AP2S1: variants seen among roughly 807,000 people sequenced by gnomAD.
The protein encoded by AP2S1 is AP-2 complex subunit sigma.
Under a neutral mutation model 21.0 loss-of-function variants are expected in AP2S1, and 6 were observed. That is an observed-to-expected ratio of 0.29 (90% CI 0.16 to 0.56). The LOEUF (loss-of-function observed/expected upper bound fraction) is 0.56. Ranked by LOEUF, AP2S1 falls within the 20% of genes least tolerant of loss-of-function variation. The pLI is 0.92. For missense variants in AP2S1, 60 were observed against 186.2 expected, an observed-to-expected ratio of 0.32 and a Z score of 3.95; for synonymous variants, 63 against 74.6, an observed-to-expected ratio of 0.84 and a Z score of 0.80.
chr19:46,848,291 A>C (rs1213006703), intron 1 of AP2S1, among the ~76,000 whole-genome samples: 1 of 152,150 alleles, frequency 6.6e-6, no homozygotes, highest in Non-Finnish European at 1.5e-5. Context: ...GAGGCATGAG[A>C]ATCACTTGAA....
At chr19:46,844,554 T>C (rs1437409384) in intron 2 of AP2S1, among the ~76,000 whole-genome samples, 1 of 152,090 alleles carries the variant, frequency 6.6e-6, no homozygotes, top group African/African-American at 2.4e-5. Context: ...TCCCAGCACT[T>C]TGGGAGGCCG....
chr19:46,841,155 T>C (rs749077945), intron 2 of AP2S1, among the ~76,000 whole-genome samples: 2 of 151,888 alleles, frequency 1.3e-5, no homozygotes, highest in Non-Finnish European at 1.5e-5. Flanking sequence ...GGTTTTACCA[T>C]GTTGGCCAGG....
At chr19:46,848,371 C>T (rs764105187) in intron 1 of AP2S1, among the ~76,000 whole-genome samples, 3 of 152,038 alleles carry the variant, frequency 2.0e-5, no homozygotes, top group African/African-American at 4.8e-5. Flanking sequence ...CAGAGCGAGA[C>T]GCTGTCTCAA....
At chr19:46,845,100 G>GAA (rs35651566) in intron 2 of AP2S1, among the ~76,000 whole-genome samples, 1,690 of 93,792 alleles carry the variant, frequency 0.018, 57 homozygotes, top group African/African-American at 0.059. Flanking sequence ...CTCCATTTCA[G>GAA]AAAAAAAAAA....
chr19:46,842,268 G>T (rs554021289), intron 2 of AP2S1, among the ~76,000 whole-genome samples: 16 of 152,206 alleles, frequency 1.1e-4, no homozygotes, highest in Admixed American at 7.8e-4. Flanking sequence ...GTCCCCTCCA[G>T]GAAGCCCTCC....
At chr19:46,841,595 G>A (rs2055522120) in intron 2 of AP2S1, among the ~76,000 whole-genome samples, 1 of 152,200 alleles carries the variant, frequency 6.6e-6, no homozygotes, top group South Asian at 2.1e-4. Context: ...ACTGTCTGGG[G>A]ATGGGTCTGT....
At chr19:46,839,439 C>CCCCCCCCA (rs1568444262) in intron 3 of AP2S1, 26 bp downstream of exon 3, 2 of 1,569,710 alleles carry the variant, frequency 1.3e-6, no homozygotes, top group South Asian at 1.1e-5. Context: ...CCCGCCTCCC[C>CCCCCCCCA]ACCTTACATC....
At chr19:46,840,418 A>G (rs1356802980) in intron 2 of AP2S1, among the ~76,000 whole-genome samples, 1 of 150,374 alleles carries the variant, frequency 6.7e-6, no homozygotes, top group Non-Finnish European at 1.5e-5. Flanking sequence ...GGGCGAGAGG[A>G]TCACTTGAGC....
chr19:46,839,286 CAAAAAAAAAAAAAAAAAAAAAAAAAAA>C (rs771792607), intron 3 of AP2S1, among the ~76,000 whole-genome samples, 152 bp downstream of exon 3: 3 of 72,958 alleles, frequency 4.1e-5, no homozygotes, highest in African/African-American at 1.0e-4. Flanking sequence ...GACTCCGTCT[CAAAAAAAAAAAAAAAAAAAAAAAAAAA>C]AAAAGAAAAA....
At chr19:46,848,928 G>A (rs950832730) in intron 1 of AP2S1, among the ~76,000 whole-genome samples, 4 of 151,524 alleles carry the variant, frequency 2.6e-5, no homozygotes, top group Non-Finnish European at 4.4e-5. Context: ...GGTCAGGCTG[G>A]TCTCGAACTC....
rs1568443045 is a variant in AP2S1 at position 46,838,202 on chromosome 19, G to A, written c.*245C>T. ...ACCACAGGTTTATTGGGGACTCCAC[G>A]CACAGACGCTTATGGCATCACACGA... On this transcript the variant is annotated 3_prime_UTR_variant, in exon 5 of 5. Coordinates refer to ENST00000263270, the MANE Select transcript of AP2S1 (RefSeq NM_004069.6). The surrounding 1 kb of genome is among the most constrained non-coding windows in gnomAD (Gnocchi z 4.1). 1.8e-6 allele frequency: 1 copy of A among 551,270 alleles called. No homozygotes were observed. Among genetic ancestry groups the A allele is most frequent in the Non-Finnish European group, 3.3e-6 (1 of 305,072 alleles). 34.1% of individuals were successfully genotyped at this position (551,270 alleles called of 1,614,324 possible).
chr19:46,839,622 T>C (rs2122759528), intron 2 of AP2S1, 44 bp from the exon 3 acceptor site: 4 of 1,613,734 alleles, frequency 2.5e-6, no homozygotes, highest in Non-Finnish European at 3.4e-6. Flanking sequence ...TGCCAGGACC[T>C]AACGTGCCAG....
rs2055444228 is a variant in AP2S1 at position 46,838,192 on chromosome 19, GGGAC to G, written c.*251_*254del. 2 of 520,240 alleles carry G rather than the reference GGGAC, an allele frequency of 3.8e-6. No homozygotes were observed. Among genetic ancestry groups the G allele is most frequent in the African/African-American group, 3.8e-5 (2 of 52,198 alleles). 32.2% of individuals were successfully genotyped at this position (520,240 alleles called of 1,614,324 possible). A position where few individuals can be genotyped will look rare whatever the true frequency, so the allele number is the denominator to read the frequency against. On this transcript the variant is annotated 3_prime_UTR_variant, in exon 5 of 5. Transcript: ENST00000263270. This position sits in a 1 kb window ranked among gnomAD's most constrained non-coding sequence, Gnocchi z 4.1. ...GCCAGGCAGGACCACAGGTTTATTG[GGGAC>G]TCCACGCACAGACGCTTATGGCATC...
chr19:46,841,907 G>A (rs2055529041), intron 2 of AP2S1, among the ~76,000 whole-genome samples: 1 of 152,176 alleles, frequency 6.6e-6, no homozygotes, highest in South Asian at 2.1e-4. Context: ...GAGATTGGAC[G>A]ACGGCCAGGT....
intron 2 of AP2S1, 33 bp downstream of exon 2, chr19:46,845,960 A>G (rs2055623692): frequency 1.2e-6 from 2 of 1,612,752 alleles, no homozygotes; most frequent in Non-Finnish European, 1.7e-6. Context: ...ACGAGGAAGC[A>G]GCGGGGTGCA....
chr19:46,843,268 C>G (rs1277737092), intron 2 of AP2S1, among the ~76,000 whole-genome samples: 2 of 152,204 alleles, frequency 1.3e-5, no homozygotes, highest in Non-Finnish European at 2.9e-5. Flanking sequence ...TCACCAGCAT[C>G]TCCCACCTGG....
chr19:46,846,138 C>A lies in AP2S1; in HGVS notation c.8G>T (p.Arg3Leu). 6.2e-7 allele frequency: 1 copy of A among 1,614,032 alleles called. No homozygotes were observed. The highest frequency in any genetic ancestry group is 2.2e-5 in the East Asian group (1 of 44,872). The change falls in exon 2 of 5, where the codon CGC becomes CTC. Residue 3 changes from arginine to leucine, a missense_variant. By Grantham distance (102) the Arg-to-Leu change is moderately radical. Coordinates refer to ENST00000263270, the MANE Select transcript of AP2S1 (RefSeq NM_004069.6). MI[R>L]FILIQNRAGK... ...TGCCCGGTTCTGGATGAGGATAAAG[C>A]GGATCTGGGGGCAGCAGGAGGAGAA...
intron 2 of AP2S1, among the ~76,000 whole-genome samples, chr19:46,843,720 C>T (rs1482599217): frequency 6.6e-6 from 1 of 151,494 alleles, no homozygotes; most frequent in Non-Finnish European, 1.5e-5. Context: ...GAGAACCCAC[C>T]TGAAAAGAAA....
intron 2 of AP2S1, among the ~76,000 whole-genome samples, chr19:46,842,982 G>C (rs776848640): frequency 3.3e-5 from 5 of 152,076 alleles, no homozygotes; most frequent in African/African-American, 4.8e-5. Flanking sequence ...CAAGAACCCT[G>C]ACTCGTCACT....
Sources: allele counts gnomAD v4.1 joint callset (sites outside exome capture counted in the v4.1 genomes callset), GRCh38; gene constraint gnomAD v4.1.1; non-coding constraint Gnocchi (gnomAD v3.1); transcripts MANE v1.5; gene names NCBI Gene and HGNC (gene_info 2026-07-23, HGNC 2026-07-21).